Variants in GAS2 observed in about 807,000 individuals in gnomAD.
GAS2 encodes the protein growth arrest specific 2.
Under a neutral mutation model 37.5 loss-of-function variants are expected in GAS2, and 20 were observed. The ratio of observed to expected loss-of-function variants is 0.53; its 90% CI spans 0.37 to 0.77. The LOEUF (loss-of-function observed/expected upper bound fraction) is 0.77, where lower values mean the gene tolerates loss of function less well. GAS2 is among the 30% of genes least tolerant of loss of function. The pLI is 0.00. For synonymous variants in GAS2, 144 were observed against 132.2 expected, an observed-to-expected ratio of 1.09 and a Z score of -0.61; for missense variants, 336 against 373.4, an observed-to-expected ratio of 0.90 and a Z score of 0.82.
chr11:22,689,449 A>G (rs757064934), intron 3 of GAS2, among the ~76,000 whole-genome samples: 50 of 152,182 alleles, frequency 3.3e-4, no homozygotes, highest in South Asian at 4.1e-4. Flanking sequence ...GCTTAAATCA[A>G]TAATAACTTG....
At chr11:22,747,959 T>C (rs1220070764) in intron 5 of GAS2, among the ~76,000 whole-genome samples, 5 of 152,060 alleles carry the variant, frequency 3.3e-5, no homozygotes, top group African/African-American at 9.7e-5. Context: ...TCAGTTAAAA[T>C]AATAAGCAGT....
chr11:22,679,542 AC>A (rs1191606631), intron 2 of GAS2, among the ~76,000 whole-genome samples: 50 of 152,064 alleles, frequency 3.3e-4, no homozygotes, highest in African/African-American at 1.2e-3. Context: ...ATATTCTACT[AC>A]TTTTATAATT....
chr11:22,723,188 C>T (rs1427480966), intron 3 of GAS2, among the ~76,000 whole-genome samples: 1 of 151,806 alleles, frequency 6.6e-6, no homozygotes, highest in Non-Finnish European at 1.5e-5. Context: ...AAGCAAATAG[C>T]CCATAAATTA....
intron 6 of GAS2, 93 bp downstream of exon 6, chr11:22,749,354 C>A: frequency 2.6e-6 from 3 of 1,138,658 alleles, no homozygotes; most frequent in East Asian, 2.5e-5. Context: ...CTAATCTTTA[C>A]CTATATCAAT....
intron 4 of GAS2, among the ~76,000 whole-genome samples, chr11:22,737,106 T>A (rs1295903824): frequency 6.6e-6 from 1 of 152,174 alleles, no homozygotes; most frequent in Non-Finnish European, 1.5e-5. Context: ...ATTTCCAAAA[T>A]TCAGTCATTT....
chr11:22,653,414 T>G (rs997671595), intron 1 of GAS2, among the ~76,000 whole-genome samples: 1 of 152,194 alleles, frequency 6.6e-6, no homozygotes, highest in Non-Finnish European at 1.5e-5. Flanking sequence ...TAGTACATTT[T>G]CTATGTACAG....
intron 5 of GAS2, among the ~76,000 whole-genome samples, chr11:22,743,319 A>G (rs1853195691): frequency 6.6e-6 from 1 of 152,120 alleles, no homozygotes; most frequent in Non-Finnish European, 1.5e-5. Flanking sequence ...CTAAAAACCA[A>G]GAATTTTAGC....
chr11:22,716,714 T>C (rs989506098), intron 3 of GAS2, among the ~76,000 whole-genome samples: 1 of 151,824 alleles, frequency 6.6e-6, no homozygotes, highest in East Asian at 1.9e-4. Context: ...ACTGTTGCTG[T>C]TTACTGATGA....
At chr11:22,703,152 C>G (rs1438472480) in intron 3 of GAS2, among the ~76,000 whole-genome samples, 1 of 152,130 alleles carries the variant, frequency 6.6e-6, no homozygotes, top group Non-Finnish European at 1.5e-5. Flanking sequence ...TTTCCTAGCA[C>G]CAGCGCAGTG....
intron 3 of GAS2, among the ~76,000 whole-genome samples, chr11:22,711,053 G>T (rs1243956967): frequency 6.6e-6 from 1 of 152,090 alleles, no homozygotes; most frequent in East Asian, 1.9e-4. Context: ...AACATCACAG[G>T]AACAAATCAG....
At chr11:22,633,716 GTTCC>G (rs1019610955) in intron 1 of GAS2, among the ~76,000 whole-genome samples, 2 of 152,154 alleles carry the variant, frequency 1.3e-5, no homozygotes, top group African/African-American at 4.8e-5. Flanking sequence ...AGCCACTGTA[GTTCC>G]CCAACCAGGC....
intron 7 of GAS2, among the ~76,000 whole-genome samples, chr11:22,782,018 T>A (rs946876410): frequency 3.3e-5 from 5 of 152,218 alleles, no homozygotes; most frequent in African/African-American, 1.2e-4. Context: ...TTTTTATTAG[T>A]TAAAATGGGG....
intron 1 of GAS2, among the ~76,000 whole-genome samples, chr11:22,669,023 T>C (rs2133862983): frequency 6.6e-6 from 1 of 152,310 alleles, no homozygotes. Context: ...TAAGTTTCTG[T>C]ATTAAATGTT....
intron 7 of GAS2, among the ~76,000 whole-genome samples, chr11:22,758,116 A>G (rs989063776): frequency 2.0e-5 from 3 of 152,188 alleles, no homozygotes; most frequent in Admixed American, 6.5e-5. Context: ...ACTGGCAGTT[A>G]CTACTCAAAA....
In GAS2 at chr11:22,722,208, A is replaced by G. The variant is rs1851984860; in HGVS notation, c.268-4084A>G. ...TAATTTTTTTCTGTTTATTGCCACCAATCTTGGTTGTTTCCTGATGGGAAT... is the reference window on the plus strand; with the variant it reads ...TAATTTTTTTCTGTTTATTGCCACCGATCTTGGTTGTTTCCTGATGGGAAT... On this transcript the variant is annotated intron_variant, in intron 3 of 7. Coordinates refer to ENST00000454584, the MANE Select transcript of GAS2 (RefSeq NM_001143830.3). 2.6e-5 allele frequency among the ~76,000 whole-genome samples: 4 copies of G among 152,006 alleles called. No homozygotes were observed. The South Asian group carries it at 8.3e-4, about 32-fold the overall frequency.
At chr11:22,732,803 CAT>C (rs1565115708) in intron 4 of GAS2, among the ~76,000 whole-genome samples, 302 of 151,478 alleles carry the variant, frequency 2.0e-3, no homozygotes, top group African/African-American at 7.1e-3. Context: ...TCATCATCAT[CAT>C]CATCATCACC....
intron 7 of GAS2, among the ~76,000 whole-genome samples, chr11:22,804,399 TG>T (rs1856799076): frequency 6.6e-6 from 1 of 152,112 alleles, no homozygotes; most frequent in Non-Finnish European, 1.5e-5. Context: ...TTAGATACCT[TG>T]CTTGACAAAG....
intron 1 of GAS2, among the ~76,000 whole-genome samples, chr11:22,635,412 A>G (rs368547155): frequency 1.4e-4 from 22 of 152,322 alleles, no homozygotes; most frequent in African/African-American, 5.1e-4. Context: ...AGTAGGCCTC[A>G]CCTGGCCCCT....
chr11:22,628,727 C>T (rs1178659235), intron 1 of GAS2, among the ~76,000 whole-genome samples: 1 of 152,000 alleles, frequency 6.6e-6, no homozygotes, highest in Non-Finnish European at 1.5e-5. Context: ...TTAGTTCACC[C>T]TCTAACTGAG....
Sources: gnomAD v4.1 joint callset for allele counts (sites outside exome capture counted in the v4.1 genomes callset) on GRCh38, gnomAD v4.1.1 for gene constraint, MANE v1.5 for transcripts, NCBI Gene and HGNC (gene_info 2026-07-23, HGNC 2026-07-21) for gene names.